The following NCKAP5 variants were observed in gnomAD, a reference collection of about 807,000 sequenced individuals.
NCKAP5 encodes NCK associated protein 5.
Under a neutral mutation model 167.0 loss-of-function variants are expected in NCKAP5, and 92 were observed. The ratio of observed to expected loss-of-function variants is 0.55; its 90% CI spans 0.47 to 0.66. The LOEUF is 0.66. NCKAP5 is among the 30% of genes least tolerant of loss of function. The probability of loss-of-function intolerance (pLI) is 0.00; values close to 1 mark genes in which losing one functional copy is unlikely to be tolerated. For synonymous variants in NCKAP5, 891 were observed against 877.4 expected (o/e 1.02, Z -0.27); for missense variants, 2,378 against 2,315.0 (o/e 1.03, Z -0.56).
chr2:133,567,284 C>A (rs1377814394), intron 1 of NCKAP5, among the ~76,000 whole-genome samples: 2 of 152,168 alleles, frequency 1.3e-5, no homozygotes, highest in Non-Finnish European at 2.9e-5. Flanking sequence ...TTTCACTGGG[C>A]TCTTAAGCAG....
chr2:133,558,724 A>AAAAAAAAAAAAAAAAAC, intron 2 of NCKAP5, among the ~76,000 whole-genome samples: 1 of 147,360 alleles, frequency 6.8e-6, no homozygotes, highest in Non-Finnish European at 1.5e-5. Context: ...AAAAAAAAAA[A>AAAAAAAAAAAAAAAAAC]AAGCCCATAT....
chr2:133,459,620 T>C (rs1692077829), intron 3 of NCKAP5, among the ~76,000 whole-genome samples: 1 of 152,088 alleles, frequency 6.6e-6, no homozygotes, highest in Admixed American at 6.6e-5. Context: ...CTAAAATGTG[T>C]CTGGACACAT....
chr2:132,750,237 G>C (rs1255253430), intron 16 of NCKAP5, among the ~76,000 whole-genome samples: 1 of 152,060 alleles, frequency 6.6e-6, no homozygotes, highest in East Asian at 1.9e-4. Context: ...TTTGTGTTCA[G>C]GAAGCGTAAG....
At chr2:133,484,291 T>G (rs1185887599) in intron 3 of NCKAP5, among the ~76,000 whole-genome samples, 1 of 152,162 alleles carries the variant, frequency 6.6e-6, no homozygotes, top group African/African-American at 2.4e-5. Flanking sequence ...TCTGGTCCAG[T>G]CCTTGTCTTC....
rs184460596 is a variant in NCKAP5 at position 133,412,416 on chromosome 2, C to G, written c.69+105042G>C. ...TTTATTACAGCAGCCCAGAATAAGA[C>G]AGTCACCATGTGCAGTGTGGGTGCG... On this transcript the variant is annotated intron_variant, in intron 3 of 19. Coordinates refer to ENST00000409261, the MANE Select transcript of NCKAP5 (RefSeq NM_207363.3). Among the ~76,000 whole-genome samples the G allele has an allele frequency of 3.3e-4, 51 of 152,298 alleles. No homozygotes were observed. The Middle Eastern group carries it at 0.014, about 41-fold the overall frequency.
At position 132,722,142 on chromosome 2, in the gene NCKAP5, G is replaced by A. The variant is rs142478243; in HGVS notation, c.5713+3485C>T. On this transcript the variant is annotated intron_variant, in intron 19 of 19. Transcript: ENST00000409261. ...TAATGCGGATTCTTGATTGCCTTGC[G>A]CAACTCATGTAGACAGGCATATGAT... Among the ~76,000 whole-genome samples the A allele has an allele frequency of 2.9e-3, 434 of 152,226 alleles. 5 individuals are homozygous for A. The highest frequency in any genetic ancestry group is 1.0e-2 in the African/African-American group (414 of 41,542).
intron 2 of NCKAP5, among the ~76,000 whole-genome samples, chr2:133,535,077 A>G (rs1360262117): frequency 1.3e-5 from 2 of 152,174 alleles, no homozygotes; most frequent in South Asian, 2.1e-4. Context: ...CATTTCCCGA[A>G]TGACTAATAA....
chr2:133,384,488 G>A (rs1048475094), intron 3 of NCKAP5, among the ~76,000 whole-genome samples: 11 of 152,268 alleles, frequency 7.2e-5, no homozygotes, highest in Admixed American at 2.6e-4. Context: ...GTCAGGTAGC[G>A]TGATGCCTCC....
intron 3 of NCKAP5, among the ~76,000 whole-genome samples, chr2:133,432,617 AC>A (rs1164308773): frequency 6.6e-6 from 1 of 152,070 alleles, no homozygotes; most frequent in Non-Finnish European, 1.5e-5. Context: ...CCCTCTAAAT[AC>A]CTGGCCGTCA....
At chr2:133,212,263 A>G (rs2086241662) in intron 5 of NCKAP5, among the ~76,000 whole-genome samples, 3 of 152,198 alleles carry the variant, frequency 2.0e-5, no homozygotes, top group Admixed American at 2.0e-4. Flanking sequence ...GCCCATCAAC[A>G]TTTTGAAATG....
At chr2:133,121,251 C>G (rs1019216560) in intron 6 of NCKAP5, among the ~76,000 whole-genome samples, 1 of 152,086 alleles carries the variant, frequency 6.6e-6, no homozygotes, top group African/African-American at 2.4e-5. Context: ...AAGGGATGGA[C>G]AGTAACCTGT....
At chr2:132,858,422 G>A (rs1330057468) in intron 11 of NCKAP5, among the ~76,000 whole-genome samples, 3 of 152,174 alleles carry the variant, frequency 2.0e-5, no homozygotes, top group Non-Finnish European at 4.4e-5. Flanking sequence ...TAATGACTGA[G>A]CATCCATAGG....
At chr2:133,096,630 A>G (rs2081351824) in intron 6 of NCKAP5, among the ~76,000 whole-genome samples, 1 of 152,220 alleles carries the variant, frequency 6.6e-6, no homozygotes, top group Non-Finnish European at 1.5e-5. Context: ...TAGGAAAGAT[A>G]GATATGGCTT....
intron 4 of NCKAP5, among the ~76,000 whole-genome samples, chr2:133,297,245 A>T (rs1446655753): frequency 6.6e-6 from 1 of 150,512 alleles, no homozygotes; most frequent in African/African-American, 2.4e-5. Flanking sequence ...AGCAGATTAA[A>T]CTCACCCCGA....
chr2:133,172,248 A>T (rs918660280), intron 5 of NCKAP5, among the ~76,000 whole-genome samples: 1 of 152,240 alleles, frequency 6.6e-6, no homozygotes, highest in African/African-American at 2.4e-5. Flanking sequence ...AAATTCTAAC[A>T]GGCTGAGGGT....
chr2:133,634,653 T>C, the NCKAP5 span, among the ~76,000 whole-genome samples: 1 of 152,200 alleles, frequency 6.6e-6, no homozygotes, highest in Non-Finnish European at 1.5e-5. Context: ...GCTTTGAAGA[T>C]GATTATGCAT....
At chr2:132,921,877 T>G (rs962241126) in intron 8 of NCKAP5, among the ~76,000 whole-genome samples, 1 of 152,304 alleles carries the variant, frequency 6.6e-6, no homozygotes, top group African/African-American at 2.4e-5. Context: ...TCCAACCCCA[T>G]GGCCTCAGTG....
rs894387472 is a variant in NCKAP5 at position 132,873,732 on chromosome 2, T to C, written c.649-4758A>G. Among the ~76,000 whole-genome samples, 3 of 152,344 alleles carry C rather than the reference T, an allele frequency of 2.0e-5. 1 individual carries two copies. The South Asian group carries it at 6.2e-4, about 32-fold the overall frequency. ...AAGTGGGTCCACTATTTTTTTCAGC[T>C]GATTAATCTTTGGATTATTACTTGG... is the stretch of plus-strand genomic sequence containing the variant. On this transcript the variant is annotated intron_variant, in intron 9 of 19. Coordinates refer to ENST00000409261, the MANE Select transcript of NCKAP5 (RefSeq NM_207363.3).
chr2:133,104,735 A>G lies in NCKAP5; in HGVS notation c.341+25243T>C, dbSNP rs535951635. The stretch of plus-strand genomic sequence containing the variant: ...CCACACATATAATTCCTAAACACTC[A>G]AAGATCATTTCACTCACTCTGGTGC... On this transcript the variant is annotated intron_variant, in intron 6 of 19. Coordinates refer to ENST00000409261, the MANE Select transcript of NCKAP5 (RefSeq NM_207363.3). Among the ~76,000 whole-genome samples, 10 of 152,262 alleles carry G rather than the reference A, an allele frequency of 6.6e-5. No homozygotes were observed. In the East Asian group the frequency reaches 1.7e-3, roughly 26 times the overall value.
Sources: gnomAD v4.1 joint callset for allele counts (sites outside exome capture counted in the v4.1 genomes callset) on GRCh38, gnomAD v4.1.1 for gene constraint, MANE v1.5 for transcripts, NCBI Gene and HGNC (gene_info 2026-07-23, HGNC 2026-07-21) for gene names.